BRD9: variants seen among roughly 807,000 people sequenced by gnomAD.
BRD9 encodes the protein bromodomain containing 9, also known as bromodomain-containing protein 9.
In BRD9, 47 loss-of-function variants were observed where a neutral mutation model predicts 68.7. The ratio of observed to expected loss-of-function variants is 0.68; its 90% CI spans 0.54 to 0.87. The LOEUF (loss-of-function observed/expected upper bound fraction) is 0.87. BRD9 is among the 40% of genes least tolerant of loss of function. The probability of loss-of-function intolerance (pLI) is 0.00; values close to 1 mark genes in which losing one functional copy is unlikely to be tolerated. For synonymous variants in BRD9, 313 were observed against 293.9 expected, an observed-to-expected ratio of 1.06 and a Z score of -0.67; for missense variants, 670 against 748.4, an observed-to-expected ratio of 0.90 and a Z score of 1.22.
intron 12 of BRD9, among the ~76,000 whole-genome samples, chr5:872,001 G>T (rs569106630): frequency 6.2e-4 from 94 of 152,348 alleles, no homozygotes; most frequent in African/African-American, 2.0e-3. Flanking sequence ...GTGTGTGCAG[G>T]AGCAAAGGAG....
In BRD9 at chr5:876,131, G is replaced by T. The variant is rs374213563; in HGVS notation, c.1353C>A (p.Asp451Glu). The change falls in exon 12 of 16, where the codon GAC (aspartate) becomes GAA (glutamate). Residue 451 changes from aspartate (D) to glutamate (E), a missense_variant. By Grantham distance (45) the Asp-to-Glu change is conservative. Around this residue, in one of 5 missense-constraint regions of BRD9, gnomAD observed 280 missense variants for 281.5 expected, o/e 0.99. Transcript: ENST00000467963. Reference sequence around the variant, plus strand: ...TCAGCTGGAAGAGCGTCCTAGAGTGGTCTCCGCCTGTGATCTGGTCCAGGA... The same window carrying T: ...TCAGCTGGAAGAGCGTCCTAGAGTGTTCTCCGCCTGTGATCTGGTCCAGGA... ...DDLLDQITGG[D>E]HSRTLFQLKQ... 19 of 1,613,564 alleles carry T rather than the reference G, an allele frequency of 1.2e-5. No homozygotes were observed. The highest frequency in any genetic ancestry group is 1.6e-5 in the Non-Finnish European group (19 of 1,179,884).
At chr5:881,506 A>G in intron 8 of BRD9, 1 of 412,928 alleles carries the variant, frequency 2.4e-6, no homozygotes, top group East Asian at 5.2e-5. Context: ...TCAGCATGGC[A>G]CTGCCCTGAC....
At chr5:891,369 A>G in intron 2 of BRD9, 82 bp from the exon 3 acceptor site, 1 of 1,491,792 alleles carries the variant, frequency 6.7e-7, no homozygotes, top group Non-Finnish European at 9.0e-7. Context: ...CGCAGTTCTC[A>G]GGGGAGGGAC....
Position 891,741 on chromosome 5 carries a change from A to T in BRD9, c.166T>A (p.Ser56Thr). 1.3e-6 allele frequency: 2 copies of T among 1,551,060 alleles called. No homozygotes were observed. Among genetic ancestry groups the T allele is most frequent in the South Asian group, 2.4e-5 (2 of 84,008 alleles). Reference sequence around the variant, plus strand: ...TTGTGCCTCTCTCGCTCATGGTCTGACCTGTCATCATAGTAACTGGAGTCG... The same window carrying T: ...TTGTGCCTCTCTCGCTCATGGTCTGTCCTGTCATCATAGTAACTGGAGTCG... ...GHDSSYYDDR[S>T]DHERERHKEK... The change falls in exon 2 of 16, where the codon TCA (serine) becomes ACA (threonine). Residue 56 changes from serine to threonine, a missense_variant. This residue lies in a region of BRD9 where 161 missense variants were observed against 148.1 expected (regional missense o/e 1.09). Transcript: ENST00000467963.
At chr5:892,388 C>A in intron 1 of BRD9, 2 of 1,145,580 alleles carry the variant, frequency 1.7e-6, no homozygotes, top group South Asian at 3.4e-5. Flanking sequence ...AGCCTCGAAC[C>A]CAGAACCCTC....
At chr5:869,856 A>G (rs1749883907) in intron 14 of BRD9, among the ~76,000 whole-genome samples, 1 of 152,292 alleles carries the variant, frequency 6.6e-6, no homozygotes, top group East Asian at 1.9e-4. Flanking sequence ...CTGTCTCCCT[A>G]AAACATATCA....
In BRD9 at chr5:891,724, C is replaced by G. The variant is rs199607133; in HGVS notation, c.183G>C (p.Glu61Asp). 3.6e-4 allele frequency: 563 copies of G among 1,551,704 alleles called. 1 individual carries two copies. In the Middle Eastern group the frequency reaches 9.5e-3, roughly 26 times the overall value. ...TCTTCTTTTTCTTTTCTTTGTGCCTCTCTCGCTCATGGTCTGACCTGTCAT... is the reference window on the plus strand; with the variant it reads ...TCTTCTTTTTCTTTTCTTTGTGCCTGTCTCGCTCATGGTCTGACCTGTCAT... ...YYDDRSDHER[E>D]RHKEKKKKKK... The change falls in exon 2 of 16, where the codon GAG (glutamate) becomes GAC (aspartate). Residue 61 changes from glutamate (E) to aspartate (D), a missense_variant. Glu to Asp is a conservative substitution (Grantham distance 45). Coordinates refer to ENST00000467963, the MANE Select transcript of BRD9 (RefSeq NM_023924.5).
Position 864,479 on chromosome 5 carries a change from C to T in BRD9, c.1783G>A (p.Ala595Thr). Residue 595 changes from alanine to threonine, a missense_variant, in exon 16 of 16, where the codon GCC (alanine) becomes ACC (threonine). Transcript: ENST00000467963. ...FLQSPEPAAS[A>T]KT ...AAGGTGGTCTAGAGTTAGGTCTTGG[C>T]AGAGGCCGCAGGCTCTGGAGACTGA... The T allele has an allele frequency of 6.2e-7, 1 of 1,611,866 alleles. No homozygotes were observed. The highest frequency in any genetic ancestry group is 1.1e-5 in the South Asian group (1 of 90,886).
At chr5:891,905 C>T in intron 1 of BRD9, 51 bp from the exon 2 acceptor site, 2 of 1,545,104 alleles carry the variant, frequency 1.3e-6, no homozygotes, top group Non-Finnish European at 8.7e-7. Context: ...GCAAACGCCA[C>T]GCAGCCAGGT....
chr5:883,544 T>C, intron 8 of BRD9: 2 of 405,766 alleles, frequency 4.9e-6, no homozygotes, highest in South Asian at 1.8e-5. Flanking sequence ...GGTGGCCTAT[T>C]ATGGACCATC....
intron 10 of BRD9, 108 bp downstream of exon 10, chr5:879,686 C>T (rs1579960168): frequency 2.1e-6 from 1 of 470,270 alleles, no homozygotes; most frequent in Non-Finnish European, 3.7e-6. Flanking sequence ...AATCCAGGTA[C>T]AGTGAGGAAA....
Position 891,829 on chromosome 5 carries a change from C to T in BRD9, c.78G>A (p.Lys26=). The change falls in exon 2 of 16, where the codon AAG becomes AAA. Residue 26 remains lysine, a synonymous_variant. Transcript: ENST00000467963. The stretch of plus-strand genomic sequence containing the variant: ...CGACCTTCAGGACTAGCTTTAGAGG[C>T]TTCTCCAGGGGCTTGTCGGCATAAT... ...YEDYADKPLE[K]PLKLVLKVGG... is the part of the protein sequence containing the mutation. The T allele has an allele frequency of 1.3e-6, 2 of 1,551,596 alleles. No individual in the cohort carries two copies. The highest frequency in any genetic ancestry group is 8.7e-7 in the Non-Finnish European group (1 of 1,146,994).
At chr5:868,211 C>A (rs1007693216) in intron 14 of BRD9, among the ~76,000 whole-genome samples, 5 of 152,200 alleles carry the variant, frequency 3.3e-5, no homozygotes, top group African/African-American at 1.2e-4. Flanking sequence ...TGGAAGTTTC[C>A]TGATGCCTCC....
intron 7 of BRD9, among the ~76,000 whole-genome samples, chr5:884,463 G>C (rs1439919124): frequency 6.6e-6 from 1 of 152,226 alleles, no homozygotes; most frequent in Non-Finnish European, 1.5e-5. Flanking sequence ...CAGGATAGGC[G>C]GGGCTGCTCG....
In BRD9 at chr5:864,516, G is replaced by T. The variant is rs761161687; in HGVS notation, c.1746C>A (p.Pro582=). 2 of 1,614,046 alleles carry T rather than the reference G, an allele frequency of 1.2e-6. No homozygotes were observed. Among genetic ancestry groups the T allele is most frequent in the South Asian group, 2.2e-5 (2 of 91,084 alleles). ...GCTCTGGAGACTGAAGAAACTCATA[G>T]GGGTCGTGGGTGACGTCTGGCTGCT... ...VGEQPDVTHD[P]YEFLQSPEPA... is the part of the protein sequence containing the mutation. The change falls in exon 16 of 16, where the codon CCC becomes CCA. Residue 582 remains proline (P), a synonymous_variant. Coordinates refer to ENST00000467963, the MANE Select transcript of BRD9 (RefSeq NM_023924.5).
intron 11 of BRD9, among the ~76,000 whole-genome samples, chr5:877,153 T>C (rs943957494): frequency 7.2e-5 from 11 of 152,182 alleles, no homozygotes; most frequent in African/African-American, 2.7e-4. Flanking sequence ...ATGTGCCACA[T>C]GGACAACAGG....
chr5:872,592 C>T (rs572690594), intron 12 of BRD9, among the ~76,000 whole-genome samples: 7 of 152,300 alleles, frequency 4.6e-5, no homozygotes, highest in South Asian at 2.1e-4. Flanking sequence ...GTCAGAACCA[C>T]GAGCTGGTGG....
chr5:880,420 C>G (rs1359950378), intron 9 of BRD9, among the ~76,000 whole-genome samples: 2 of 150,436 alleles, frequency 1.3e-5, no homozygotes, highest in Non-Finnish European at 2.9e-5. Context: ...TTATATAGAT[C>G]AGCCCGTTTC....
intron 3 of BRD9, among the ~76,000 whole-genome samples, chr5:890,501 T>G (rs1177541672): frequency 6.6e-6 from 1 of 152,186 alleles, no homozygotes; most frequent in East Asian, 1.9e-4. Flanking sequence ...CAAAGAGAAC[T>G]CAGAGGGCAA....
Sources: allele counts gnomAD v4.1 joint callset (sites outside exome capture counted in the v4.1 genomes callset), GRCh38; gene constraint gnomAD v4.1.1; regional missense constraint gnomAD v4.1.1; transcripts MANE v1.5; gene names NCBI Gene and HGNC (gene_info 2026-07-23, HGNC 2026-07-21).